RBFOX1: variants seen among roughly 807,000 people sequenced by gnomAD.
RBFOX1 encodes the protein RNA binding protein fox-1 homolog 1.
RBFOX1 carries 8 observed loss-of-function variants against 57.7 expected under a neutral mutation model. The observed-to-expected ratio is 0.14, with a 90% CI of 0.08 to 0.25. The LOEUF (loss-of-function observed/expected upper bound fraction) is 0.25, where lower values mean the gene tolerates loss of function less well. RBFOX1 is among the 10% of genes least tolerant of loss of function. The pLI, the probability that RBFOX1 is intolerant of heterozygous loss-of-function variation, is 1.00. For missense variants in RBFOX1, 611 were observed against 548.5 expected (o/e 1.11, Z -1.14); for synonymous variants, 326 against 222.4 (o/e 1.47, Z -4.15).
chr16:6,975,742 T>A lies in RBFOX1; in HGVS notation c.-15-76315T>A, dbSNP rs146028992. Among the ~76,000 whole-genome samples, 925 of 152,302 alleles carry A rather than the reference T, an allele frequency of 6.1e-3. 13 individuals are homozygous for A. The highest frequency in any genetic ancestry group is 0.021 in the African/African-American group (876 of 41,568). On this transcript the variant is annotated intron_variant, in intron 3 of 15. Coordinates refer to ENST00000550418, the MANE Select transcript of RBFOX1 (RefSeq NM_018723.4). Reference sequence around the variant, plus strand: ...GCTCATATGCTCATAGGCTGAAAGTTTTCTACTCCTATGACCCCTAAAGTG... The same window carrying A: ...GCTCATATGCTCATAGGCTGAAAGTATTCTACTCCTATGACCCCTAAAGTG...
At chr16:7,367,361 G>A (rs1045770112) in intron 4 of RBFOX1, among the ~76,000 whole-genome samples, 3 of 152,184 alleles carry the variant, frequency 2.0e-5, no homozygotes, top group African/African-American at 7.2e-5. Flanking sequence ...AGAATCAGGT[G>A]TAAATCTGTC....
intron 4 of RBFOX1, among the ~76,000 whole-genome samples, chr16:7,325,947 A>G (rs1280159222): frequency 6.6e-6 from 1 of 152,044 alleles, no homozygotes; most frequent in Non-Finnish European, 1.5e-5. Context: ...AGTGAGTGTC[A>G]TTTCTCAGTT....
chr16:6,369,879 C>G (rs1016158994), intron 2 of RBFOX1, among the ~76,000 whole-genome samples: 3 of 152,164 alleles, frequency 2.0e-5, no homozygotes, highest in African/African-American at 7.2e-5. Context: ...GTCCTCTGGT[C>G]TCATCCACAG....
intron 3 of RBFOX1, among the ~76,000 whole-genome samples, chr16:5,856,833 A>T (rs1285068486): frequency 6.6e-6 from 1 of 151,580 alleles, no homozygotes; most frequent in South Asian, 2.1e-4. Context: ...GTTGTGGCTT[A>T]TTTGATCTTC....
chr16:5,896,701 G>T (rs920495819), intron 4 of RBFOX1, among the ~76,000 whole-genome samples: 2 of 152,156 alleles, frequency 1.3e-5, no homozygotes, highest in African/African-American at 4.8e-5. Context: ...TTTGCCTGCA[G>T]GGTTGGGGAG....
At chr16:6,650,979 T>G (rs1033658098) in intron 2 of RBFOX1, among the ~76,000 whole-genome samples, 2 of 152,212 alleles carry the variant, frequency 1.3e-5, no homozygotes, top group Admixed American at 6.5e-5. Flanking sequence ...CCCGGCTTAC[T>G]GCATCCTCCG....
At chr16:7,637,729 G>C (rs72776810) in intron 11 of RBFOX1, among the ~76,000 whole-genome samples, 3,950 of 152,194 alleles carry the variant, frequency 0.026, 85 homozygotes, top group South Asian at 0.12. Flanking sequence ...ACAGCTTCTT[G>C]CTTTCCTCCT....
chr16:6,094,039 T>C (rs999619181), intron 1 of RBFOX1, among the ~76,000 whole-genome samples: 2 of 152,204 alleles, frequency 1.3e-5, no homozygotes, highest in African/African-American at 4.8e-5. Context: ...TCTAATTTAC[T>C]TTTAAAGTTA....
chr16:7,538,777 G>A (rs566753791), intron 5 of RBFOX1, among the ~76,000 whole-genome samples: 55 of 152,242 alleles, frequency 3.6e-4, no homozygotes, highest in South Asian at 2.5e-3. Flanking sequence ...TGGAACTGGG[G>A]AGTAAGTTCC....
At chr16:5,422,742 G>A (rs2067381231) in intron 1 of RBFOX1, among the ~76,000 whole-genome samples, 1 of 139,204 alleles carries the variant, frequency 7.2e-6, no homozygotes, top group Admixed American at 7.1e-5. Context: ...GCAGGGAAAG[G>A]GATGGGGAGG....
chr16:7,289,751 A>G (rs1474542063), intron 4 of RBFOX1, among the ~76,000 whole-genome samples: 1 of 152,212 alleles, frequency 6.6e-6, no homozygotes, highest in Non-Finnish European at 1.5e-5. Flanking sequence ...AATTTAGTGT[A>G]TTAGTCCATG....
intron 3 of RBFOX1, among the ~76,000 whole-genome samples, chr16:5,617,634 A>T (rs1488194238): frequency 6.6e-6 from 1 of 152,198 alleles, no homozygotes; most frequent in East Asian, 1.9e-4. Flanking sequence ...AGCTGTCTTT[A>T]TTCTCAGGTA....
intron 4 of RBFOX1, among the ~76,000 whole-genome samples, chr16:7,271,441 G>T (rs1017115550): frequency 6.6e-6 from 1 of 151,800 alleles, no homozygotes; most frequent in Admixed American, 6.6e-5. Flanking sequence ...TGATGCCTTG[G>T]TGACCCAGGA....
chr16:6,522,981 C>T (rs1022566544), intron 2 of RBFOX1, among the ~76,000 whole-genome samples: 3 of 152,144 alleles, frequency 2.0e-5, no homozygotes, highest in African/African-American at 4.8e-5. Flanking sequence ...CCAGCTCCTT[C>T]TTATCTTTTA....
chr16:5,485,802 A>C (rs1723353156), intron 2 of RBFOX1, among the ~76,000 whole-genome samples: 1 of 152,214 alleles, frequency 6.6e-6, no homozygotes. Context: ...GGAGCACAAG[A>C]ACGACCATGG....
At chr16:7,671,241 G>C (rs1368748341) in intron 13 of RBFOX1, among the ~76,000 whole-genome samples, 1 of 152,158 alleles carries the variant, frequency 6.6e-6, no homozygotes, top group African/African-American at 2.4e-5. Flanking sequence ...AGTTAATTTG[G>C]ACTGTTGGAA....
chr16:5,659,373 C>T (rs1048189142), intron 3 of RBFOX1, among the ~76,000 whole-genome samples: 1 of 150,894 alleles, frequency 6.6e-6, no homozygotes, highest in African/African-American at 2.4e-5. Flanking sequence ...GCGCCATCCC[C>T]GCTCACTGCA....
intron 4 of RBFOX1, among the ~76,000 whole-genome samples, chr16:7,087,007 G>C (rs1236761338): frequency 1.3e-5 from 2 of 152,174 alleles, no homozygotes; most frequent in African/African-American, 4.8e-5. Context: ...CGATGGGCAG[G>C]ACCGCAGCCT....
chr16:7,475,306 A>G (rs1352102416), intron 4 of RBFOX1, among the ~76,000 whole-genome samples: 3 of 145,402 alleles, frequency 2.1e-5, no homozygotes, highest in African/African-American at 7.9e-5. Context: ...AAGGATGGGC[A>G]TTCTTTTTTT....
Sources: gnomAD v4.1 joint callset for allele counts (sites outside exome capture counted in the v4.1 genomes callset) on GRCh38, gnomAD v4.1.1 for gene constraint, MANE v1.5 for transcripts, NCBI Gene and HGNC (gene_info 2026-07-23, HGNC 2026-07-21) for gene names.